Variants in WDR7 observed in about 807,000 individuals in gnomAD.
The protein encoded by WDR7 is WD repeat-containing protein 7.
A neutral mutation model predicts 169.4 loss-of-function variants in WDR7; 46 were observed. The observed-to-expected ratio is 0.27, with a 90% CI of 0.21 to 0.35. WDR7 has a LOEUF of 0.35. Ranked by LOEUF, WDR7 falls within the 10% of genes least tolerant of loss-of-function variation. The pLI is 1.00. For synonymous variants in WDR7, 612 were observed against 666.8 expected (o/e 0.92, Z 1.27); for missense variants, 1,534 against 1,859.3 (o/e 0.83, Z 3.22).
At position 56,760,130 on chromosome 18, in the gene WDR7, T is replaced by C. The variant is rs939578940; in HGVS notation, c.2848+1177T>C. Among the ~76,000 whole-genome samples the C allele has an allele frequency of 2.0e-5, 3 of 152,322 alleles. No homozygotes were observed. The South Asian group carries it at 6.2e-4, about 32-fold the overall frequency. On this transcript the variant is annotated intron_variant, in intron 16 of 27. Coordinates refer to ENST00000254442, the MANE Select transcript of WDR7 (RefSeq NM_015285.3). ...ATAATAGTTTTGGTTAGATAACTTTTTTATGCTTGCATGTGTGAAATATAA... is the reference window on the plus strand; with the variant it reads ...ATAATAGTTTTGGTTAGATAACTTTCTTATGCTTGCATGTGTGAAATATAA...
At chr18:56,951,370 G>A (rs918562530) in intron 25 of WDR7, among the ~76,000 whole-genome samples, 5 of 152,090 alleles carry the variant, frequency 3.3e-5, no homozygotes, top group East Asian at 1.9e-4. Context: ...GAGCCAGGGC[G>A]CACACTCCCG....
intron 1 of WDR7, among the ~76,000 whole-genome samples, chr18:56,654,355 C>A (rs1167118159): frequency 6.6e-6 from 1 of 152,204 alleles, no homozygotes; most frequent in Non-Finnish European, 1.5e-5. Context: ...TGGTCTCGAT[C>A]TCTTGACCTT....
chr18:56,735,304 C>G (rs868620680), intron 14 of WDR7, among the ~76,000 whole-genome samples: 2 of 151,972 alleles, frequency 1.3e-5, no homozygotes, highest in Non-Finnish European at 2.9e-5. Context: ...AACCAAAACC[C>G]GGCTGAGGGG....
chr18:56,852,097 C>T (rs575917608), intron 20 of WDR7, among the ~76,000 whole-genome samples: 1 of 152,296 alleles, frequency 6.6e-6, no homozygotes, highest in Admixed American at 6.5e-5. Context: ...TGTTCACTTG[C>T]TTTCCTCCTT....
chr18:56,823,306 G>A (rs1163001548), intron 20 of WDR7, among the ~76,000 whole-genome samples: 2 of 152,128 alleles, frequency 1.3e-5, no homozygotes, highest in African/African-American at 4.8e-5. Flanking sequence ...AGGCCAGTTC[G>A]GTGGCTAGTG....
intron 20 of WDR7, among the ~76,000 whole-genome samples, chr18:56,824,609 C>T (rs1278699571): frequency 6.6e-6 from 1 of 152,152 alleles, no homozygotes; most frequent in African/African-American, 2.4e-5. Context: ...ACCTCCCTGC[C>T]CATCTTCTTA....
chr18:56,946,875 A>G (rs1290490581), intron 25 of WDR7, among the ~76,000 whole-genome samples: 3 of 152,250 alleles, frequency 2.0e-5, no homozygotes, highest in African/African-American at 7.2e-5. Context: ...TTGTTTACGT[A>G]GCTATAGATA....
At chr18:56,710,163 C>T (rs931181090) in intron 12 of WDR7, among the ~76,000 whole-genome samples, 2 of 151,914 alleles carry the variant, frequency 1.3e-5, no homozygotes, top group Non-Finnish European at 2.9e-5. Flanking sequence ...GCCAGCATGC[C>T]TGGCTAATTT....
At chr18:56,827,340 A>G (rs969035491) in intron 20 of WDR7, among the ~76,000 whole-genome samples, 5 of 152,216 alleles carry the variant, frequency 3.3e-5, no homozygotes, top group Non-Finnish European at 7.3e-5. Context: ...ACATAATCAC[A>G]ATGGAGCAAT....
chr18:56,876,394 T>C (rs28393123), intron 20 of WDR7, among the ~76,000 whole-genome samples: 8,687 of 152,112 alleles, frequency 0.057, 870 homozygotes, highest in African/African-American at 0.2. Flanking sequence ...TACATTGCTA[T>C]GATGGATAAA....
At chr18:56,867,644 G>A (rs1245701224) in intron 20 of WDR7, among the ~76,000 whole-genome samples, 3 of 152,148 alleles carry the variant, frequency 2.0e-5, no homozygotes, top group Non-Finnish European at 4.4e-5. Context: ...ATAAACCTGA[G>A]TATCTGACTA....
At chr18:56,669,371 CAA>C (rs1357229048) in intron 1 of WDR7, among the ~76,000 whole-genome samples, 25 of 152,054 alleles carry the variant, frequency 1.6e-4, no homozygotes, top group African/African-American at 6.0e-4. Flanking sequence ...GAGATATCAT[CAA>C]AGACTGCATA....
chr18:56,812,351 T>C (rs372698544), intron 19 of WDR7, among the ~76,000 whole-genome samples: 18 of 152,348 alleles, frequency 1.2e-4, no homozygotes, highest in African/African-American at 4.3e-4. Context: ...AACTAACTTA[T>C]TAGTTTCGAT....
chr18:56,996,300 A>G (rs2047898437), intron 26 of WDR7, among the ~76,000 whole-genome samples: 1 of 152,170 alleles, frequency 6.6e-6, no homozygotes. Flanking sequence ...AGGAAAGATT[A>G]GATTCTATAT....
At chr18:56,708,449 GGAGT>G (rs1243685181) in intron 12 of WDR7, among the ~76,000 whole-genome samples, 2 of 152,168 alleles carry the variant, frequency 1.3e-5, no homozygotes. Flanking sequence ...TCTAAGTTGA[GGAGT>G]GAGAAAGTAG....
chr18:56,962,367 C>T (rs1223229639), intron 25 of WDR7, 63 bp from the exon 26 acceptor site: 1 of 1,374,148 alleles, frequency 7.3e-7, no homozygotes, highest in Non-Finnish European at 1.0e-6. Context: ...TGTCCACTTC[C>T]AAGTGCAGGT....
At chr18:56,670,223 G>A (rs1000119277) in intron 1 of WDR7, among the ~76,000 whole-genome samples, 2 of 152,042 alleles carry the variant, frequency 1.3e-5, no homozygotes, top group Non-Finnish European at 2.9e-5. Context: ...CATCATAAGC[G>A]ATGTTATCCT....
intron 26 of WDR7, among the ~76,000 whole-genome samples, chr18:57,012,098 AAC>A (rs1373099702): frequency 6.6e-6 from 1 of 152,116 alleles, no homozygotes; most frequent in Non-Finnish European, 1.5e-5. Flanking sequence ...TGGGGAAATC[AAC>A]ACAGGTGCCT....
At chr18:56,937,560 T>C (rs538159735) in intron 23 of WDR7, among the ~76,000 whole-genome samples, 6 of 152,190 alleles carry the variant, frequency 3.9e-5, no homozygotes, top group Non-Finnish European at 7.3e-5. Flanking sequence ...CCTGTTAATA[T>C]TCTTTCTCCT....
Sources: gnomAD v4.1 joint callset for allele counts (sites outside exome capture counted in the v4.1 genomes callset) on GRCh38, gnomAD v4.1.1 for gene constraint, MANE v1.5 for transcripts, NCBI Gene and HGNC (gene_info 2026-07-23, HGNC 2026-07-21) for gene names.